The following MANBA variants were observed in gnomAD, a reference collection of about 807,000 sequenced individuals.
MANBA encodes beta-mannosidase.
A neutral mutation model predicts 111.1 loss-of-function variants in MANBA; 83 were observed. That is an observed-to-expected ratio of 0.75 (90% CI 0.63 to 0.90). The LOEUF (loss-of-function observed/expected upper bound fraction) is 0.90, where lower values mean the gene tolerates loss of function less well. MANBA is among the 40% of genes least tolerant of loss of function. The pLI is 0.00. For missense variants in MANBA, 1,036 were observed against 1,069.0 expected (o/e 0.97, Z 0.43); for synonymous variants, 370 against 378.7 (o/e 0.98, Z 0.27).
chr4:102,633,904 G>GC (rs34642884), intron 16 of MANBA, among the ~76,000 whole-genome samples: 83,567 of 151,724 alleles, frequency 0.55, 23,441 homozygotes, highest in African/African-American at 0.63. Context: ...CAGTTGTTAG[G>GC]CTCTTTCAAA....
At chr4:102,689,355 A>AT (rs1212510798) in intron 7 of MANBA, among the ~76,000 whole-genome samples, 14 of 112,114 alleles carry the variant, frequency 1.2e-4, no homozygotes, top group African/African-American at 4.9e-4. Flanking sequence ...TCTCAAAAAA[A>AT]AAAAATATAT....
chr4:102,679,442 C>T (rs1262978593), intron 7 of MANBA, among the ~76,000 whole-genome samples: 2 of 151,608 alleles, frequency 1.3e-5, no homozygotes, highest in Non-Finnish European at 2.9e-5. Context: ...TATAATCACG[C>T]CAGTTTTTTA....
Position 102,720,553 on chromosome 4 carries a change from C to T in MANBA, c.549+2318G>A, listed in dbSNP as rs190438205. Among the ~76,000 whole-genome samples the T allele has an allele frequency of 4.7e-3, 708 of 149,534 alleles. 3 individuals carry two copies. The highest frequency in any genetic ancestry group is 7.5e-3 in the Non-Finnish European group (503 of 67,502). On this transcript the variant is annotated intron_variant, in intron 4 of 16. Transcript: ENST00000647097. ...CCGGGAGGCAGAGGTTGCAGTGAGC[C>T]GAGGTCATGCCACTGCACTCCAGCC... is the stretch of plus-strand genomic sequence containing the variant.
At chr4:102,675,513 G>T (rs1417849450) in intron 7 of MANBA, among the ~76,000 whole-genome samples, 1 of 152,122 alleles carries the variant, frequency 6.6e-6, no homozygotes, top group Non-Finnish European at 1.5e-5. Flanking sequence ...TACCCTCATT[G>T]TTGTTCAATA....
chr4:102,685,331 G>A (rs1732162137), intron 7 of MANBA, among the ~76,000 whole-genome samples: 1 of 151,952 alleles, frequency 6.6e-6, no homozygotes, highest in South Asian at 2.1e-4. Context: ...AATGTTGTTT[G>A]ACCAAAACTC....
At chr4:102,733,627 C>T (rs1723106800) in intron 1 of MANBA, among the ~76,000 whole-genome samples, 1 of 152,208 alleles carries the variant, frequency 6.6e-6, no homozygotes, top group Non-Finnish European at 1.5e-5. Context: ...TCCCAAAATG[C>T]TGAGATTACA....
In MANBA at chr4:102,730,265, C is replaced by T. The variant is rs534324200; in HGVS notation, c.178-3582G>A. 1,448 of 560,586 alleles carry T rather than the reference C, an allele frequency of 2.6e-3. 3 individuals are homozygous for T. Among genetic ancestry groups the T allele is most frequent in the Non-Finnish European group, 3.5e-3 (1,114 of 317,320 alleles). The allele number at this position is 560,586 out of a possible 1,614,324, so 34.7% of individuals were successfully genotyped here. ...TTCTTGGTCTTTTCAGTTAACTTTACCACATATCGTCTCATGACCGGAGGA... is the reference window on the plus strand; with the variant it reads ...TTCTTGGTCTTTTCAGTTAACTTTATCACATATCGTCTCATGACCGGAGGA... On this transcript the variant is annotated intron_variant, in intron 1 of 16. Coordinates refer to ENST00000647097, the MANE Select transcript of MANBA (RefSeq NM_005908.4).
chr4:102,727,973 TAACTC>T (rs1722875016), intron 1 of MANBA: 1 of 435,654 alleles, frequency 2.3e-6, no homozygotes, highest in Non-Finnish European at 4.4e-6. Context: ...CGATTGGTTT[TAACTC>T]AACTTTGCAT....
chr4:102,711,914 A>G (rs1001830070), intron 5 of MANBA, among the ~76,000 whole-genome samples: 2 of 152,174 alleles, frequency 1.3e-5, no homozygotes, highest in African/African-American at 4.8e-5. Flanking sequence ...GGAGGGGTAT[A>G]TGAGTGGCAG....
chr4:102,731,805 C>T (rs1397150553), intron 1 of MANBA, among the ~76,000 whole-genome samples: 1 of 151,986 alleles, frequency 6.6e-6, no homozygotes, highest in Non-Finnish European at 1.5e-5. Context: ...GATGACTGGC[C>T]TCCTAGATGT....
At chr4:102,685,407 C>G (rs1275349149) in intron 7 of MANBA, among the ~76,000 whole-genome samples, 1 of 152,118 alleles carries the variant, frequency 6.6e-6, no homozygotes, top group African/African-American at 2.4e-5. Flanking sequence ...GTTTGCCAGT[C>G]TTATAGAAAG....
chr4:102,634,260 A>C (rs6812747), intron 16 of MANBA, among the ~76,000 whole-genome samples: 83,622 of 152,060 alleles, frequency 0.55, 23,443 homozygotes, highest in African/African-American at 0.63. Context: ...TGATTGAGCT[A>C]CTTTGAAGCA....
At position 102,760,819 on chromosome 4, in the gene MANBA, G is replaced by A. The variant is rs868106130; in HGVS notation, c.76C>T (p.Arg26Cys). Residue 26 changes from arginine to cysteine, a missense_variant, in exon 1 of 17, where the codon CGT becomes TGT. Physicochemically the swap from Arg to Cys is radical, Grantham distance 180 (BLOSUM62 -3). Coordinates refer to ENST00000647097, the MANE Select transcript of MANBA (RefSeq NM_005908.4). ...CCATTGCAGATGCTCCAGTTGCCACGCAAGCTGTAACTGAGCTCCGCGGCG... is the reference window on the plus strand; with the variant it reads ...CCATTGCAGATGCTCCAGTTGCCACACAAGCTGTAACTGAGCTCCGCGGCG... ...TTAAELSYSL[R>C]GNWSICNGNG... 6.4e-7 allele frequency: 1 copy of A among 1,565,686 alleles called. No homozygotes were observed.
intron 12 of MANBA, among the ~76,000 whole-genome samples, chr4:102,653,335 G>A (rs1209828110): frequency 6.6e-6 from 1 of 151,798 alleles, no homozygotes; most frequent in Non-Finnish European, 1.5e-5. Context: ...TAAATAATCT[G>A]TCCAAGATGA....
chr4:102,746,472 A>C (rs973305376), intron 1 of MANBA, among the ~76,000 whole-genome samples: 1 of 152,092 alleles, frequency 6.6e-6, no homozygotes, highest in African/African-American at 2.4e-5. Flanking sequence ...TTTTTCTTTC[A>C]TCACTTTGTC....
intron 5 of MANBA, among the ~76,000 whole-genome samples, chr4:102,703,976 T>C (rs1176539253): frequency 6.6e-6 from 1 of 152,002 alleles, no homozygotes. Flanking sequence ...ACACCTGTAG[T>C]ACCAGCTACT....
At chr4:102,672,929 C>A (rs372596224) in intron 8 of MANBA, among the ~76,000 whole-genome samples, 101 of 152,250 alleles carry the variant, frequency 6.6e-4, no homozygotes, top group Middle Eastern at 3.4e-3. Flanking sequence ...TGCTGTCCTA[C>A]GTAGTTATCC....
In MANBA at chr4:102,631,729, A is replaced by T. The variant is rs1729383430; in HGVS notation, c.*328T>A. 1.8e-6 allele frequency: 1 copy of T among 561,136 alleles called. No individual in the cohort carries two copies. Among genetic ancestry groups the T allele is most frequent in the East Asian group, 2.8e-5 (1 of 35,458 alleles). The allele number at this position is 561,136 out of a possible 1,614,324, so 34.8% of individuals were successfully genotyped here. ...TCCATTTGGTTCCATAGATCCTGCC[A>T]TGTCACATTCTTGTAACCAGCTGCA... On this transcript the variant is annotated 3_prime_UTR_variant, in exon 17 of 17. Transcript: ENST00000647097.
chr4:102,747,108 G>C (rs761344097), intron 1 of MANBA, among the ~76,000 whole-genome samples: 1 of 151,610 alleles, frequency 6.6e-6, no homozygotes, highest in East Asian at 1.9e-4. Flanking sequence ...ACCACTTCTG[G>C]TACCAAAATC....
Sources: gnomAD v4.1 joint callset for allele counts (sites outside exome capture counted in the v4.1 genomes callset) on GRCh38, gnomAD v4.1.1 for gene constraint, MANE v1.5 for transcripts, NCBI Gene and HGNC (gene_info 2026-07-23, HGNC 2026-07-21) for gene names.